CTPS2: variants seen among roughly 807,000 people sequenced by gnomAD.
The protein encoded by CTPS2 is CTP synthase II.
A neutral mutation model predicts 46.8 loss-of-function variants in CTPS2; 19 were observed. The ratio of observed to expected loss-of-function variants is 0.41; its 90% CI spans 0.28 to 0.60. The LOEUF (loss-of-function observed/expected upper bound fraction) is 0.60. Among genes scored for constraint, CTPS2 ranks in the 20% least tolerant of loss-of-function variants. The probability of loss-of-function intolerance (pLI) is 0.35; values close to 1 mark genes in which losing one functional copy is unlikely to be tolerated. For missense variants in CTPS2, 286 were observed against 447.6 expected (o/e 0.64, Z 3.26); for synonymous variants, 151 against 165.2 (o/e 0.91, Z 0.66).
chrX:16,710,880 G>C (rs1209787609), intron 1 of CTPS2, among the ~76,000 whole-genome samples: 1 of 112,387 alleles, frequency 8.9e-6, no homozygotes, highest in Non-Finnish European at 1.9e-5. Context: ...GCCTCCCAAA[G>C]TGCTGGGATT....
chrX:16,691,778 T>G (rs1923721941), intron 6 of CTPS2, among the ~76,000 whole-genome samples, 158 bp from the exon 7 acceptor site: 1 of 112,410 alleles, frequency 8.9e-6, no homozygotes, highest in African/African-American at 3.2e-5. Context: ...ATAAGTATAA[T>G]CAAATTCAGC....
chrX:16,601,584 G>A (rs955338491), intron 17 of CTPS2, among the ~76,000 whole-genome samples: 48 of 82,834 alleles, frequency 5.8e-4, no homozygotes, highest in African/African-American at 2.3e-3. Context: ...GGGGGGGGGG[G>A]GTTTAAGTTC....
At chrX:16,688,937 A>AC (rs1923465002) in intron 8 of CTPS2, among the ~76,000 whole-genome samples, 2 of 106,924 alleles carry the variant, frequency 1.9e-5, no homozygotes, top group Non-Finnish European at 1.9e-5. Flanking sequence ...CTACAAAAAA[A>AC]AAAAAATATA....
intron 17 of CTPS2, among the ~76,000 whole-genome samples, chrX:16,591,692 T>C (rs1415533586): frequency 9.0e-6 from 1 of 111,244 alleles, no homozygotes; most frequent in East Asian, 2.8e-4. Flanking sequence ...GTGCAAGAAG[T>C]TCTCTCTGAC....
intron 13 of CTPS2, among the ~76,000 whole-genome samples, chrX:16,664,375 G>C (rs1380867993): frequency 9.0e-6 from 1 of 111,712 alleles, no homozygotes; most frequent in Admixed American, 9.5e-5. Flanking sequence ...TAGGCCTTCT[G>C]AGCATAAGAC....
intron 14 of CTPS2, among the ~76,000 whole-genome samples, chrX:16,631,825 C>T (rs774426652): frequency 9.0e-6 from 1 of 111,648 alleles, no homozygotes; most frequent in Admixed American, 9.6e-5. Context: ...TTTCTTTGTG[C>T]TTTATTATGT....
chrX:16,629,671 G>A (rs1441690502), intron 14 of CTPS2, among the ~76,000 whole-genome samples: 6 of 111,047 alleles, frequency 5.4e-5, no homozygotes, highest in Non-Finnish European at 1.1e-4. Flanking sequence ...CCATATCAAT[G>A]CTTTGATAAG....
At chrX:16,623,792 C>CTTT (rs60328217) in intron 14 of CTPS2, among the ~76,000 whole-genome samples, 1,202 of 21,724 alleles carry the variant, frequency 0.055, 228 homozygotes, top group African/African-American at 0.13. Flanking sequence ...CCCCTCAATT[C>CTTT]TTTTTTTTTT....
intron 17 of CTPS2, among the ~76,000 whole-genome samples, chrX:16,602,308 A>C (rs1602120717): frequency 9.1e-6 from 1 of 110,169 alleles, no homozygotes. Flanking sequence ...CCCTAGAAGA[A>C]AGTCTATGGA....
intron 13 of CTPS2, chrX:16,654,569 T>C (rs1194778429): frequency 3.1e-6 from 2 of 643,111 alleles, no homozygotes; most frequent in East Asian, 6.8e-5. Flanking sequence ...TGTGGTCTTA[T>C]CCTATGTGGA....
chrX:16,682,561 C>T (rs1163587660), intron 9 of CTPS2, among the ~76,000 whole-genome samples: 1 of 112,124 alleles, frequency 8.9e-6, no homozygotes, highest in African/African-American at 3.2e-5. Context: ...AAGATTGAGA[C>T]TTGACTGGCT....
chrX:16,599,467 C>CTTTTTT (rs1009319649), intron 17 of CTPS2, among the ~76,000 whole-genome samples: 3 of 94,559 alleles, frequency 3.2e-5, no homozygotes, highest in African/African-American at 1.2e-4. Flanking sequence ...TTTTCTTTTT[C>CTTTTTT]TTTTTTTTCT....
Position 16,674,115 on chromosome X carries a change from A to AT in CTPS2, c.1095-3442dup, listed in dbSNP as rs61591845. Among the ~76,000 whole-genome samples the AT allele has an allele frequency of 6.4e-3, 634 of 98,977 alleles. 4 individuals carry two copies. Among genetic ancestry groups the AT allele is most frequent in the East Asian group, 0.027 (86 of 3,151 alleles). The allele number at this position is 98,977 out of a possible 115,157, so 85.9% of individuals were successfully genotyped here. ...ATTATAAGAAGGCATGAAAATGTGG[A>AT]TTTTTTTTTTTTTTGCCTAGATTAA... On this transcript the variant is annotated intron_variant, in intron 10 of 18. Coordinates refer to ENST00000359276, the MANE Select transcript of CTPS2 (RefSeq NM_175859.3).
Position 16,590,881 on chromosome X carries a change from T to C in CTPS2, c.1692-19A>G. 8.9e-7 allele frequency: 1 copy of C among 1,121,836 alleles called. No individual in the cohort carries two copies. Among genetic ancestry groups the C allele is most frequent in the Admixed American group, 2.3e-5 (1 of 42,571 alleles). The allele number at this position is 1,121,836 out of a possible 1,213,427, so 92.5% of individuals were successfully genotyped here. The stretch of plus-strand genomic sequence containing the variant: ...TCTATCACTAGATTAAAAGAGGAAC[T>C]AATTTAGCAAGGTATAAAAAAAAAA... On this transcript the variant is annotated intron_variant, in intron 17 of 18. Transcript: ENST00000359276.
chrX:16,651,812 G>A (rs1382985253), intron 13 of CTPS2, among the ~76,000 whole-genome samples: 1 of 111,762 alleles, frequency 8.9e-6, no homozygotes, highest in Non-Finnish European at 1.9e-5. Context: ...AGAGCTGATC[G>A]TCCTCACTCC....
chrX:16,631,919 A>T (rs181593599), intron 14 of CTPS2, among the ~76,000 whole-genome samples: 1 of 111,844 alleles, frequency 8.9e-6, no homozygotes, highest in African/African-American at 3.2e-5. Flanking sequence ...CTATTAACTT[A>T]GTTCCTCAGT....
intron 16 of CTPS2, 42 bp downstream of exon 16, chrX:16,617,108 G>A (rs375311639): frequency 1.9e-6 from 2 of 1,046,912 alleles, no homozygotes; most frequent in Non-Finnish European, 2.7e-6. Flanking sequence ...CCACAAAAAG[G>A]CAAGTTATTG....
intron 14 of CTPS2, among the ~76,000 whole-genome samples, chrX:16,630,550 G>T (rs1004763826): frequency 3.6e-5 from 4 of 110,432 alleles, no homozygotes; most frequent in Non-Finnish European, 7.6e-5. Context: ...CACCGCGCCC[G>T]GCCCTGTGTT....
intron 1 of CTPS2, among the ~76,000 whole-genome samples, chrX:16,704,156 C>T (rs1924810625): frequency 9.0e-6 from 1 of 110,984 alleles, no homozygotes; most frequent in South Asian, 3.8e-4. Flanking sequence ...CCAGGCTGGT[C>T]TCGAACTCCT....
Sources: gnomAD v4.1 joint callset for allele counts (sites outside exome capture counted in the v4.1 genomes callset) on GRCh38, gnomAD v4.1.1 for gene constraint, MANE v1.5 for transcripts, NCBI Gene and HGNC (gene_info 2026-07-23, HGNC 2026-07-21) for gene names.